Variants in PRKACB observed in about 807,000 individuals in gnomAD.
PRKACB encodes cAMP-dependent protein kinase catalytic subunit beta.
In PRKACB, 16 loss-of-function variants were observed where a neutral mutation model predicts 51.4. That is an observed-to-expected ratio of 0.31 (90% CI 0.21 to 0.47). PRKACB has a LOEUF of 0.47. PRKACB is among the 20% of genes least tolerant of loss of function. The pLI is 1.00. For missense variants in PRKACB, 309 were observed against 464.5 expected (o/e 0.67, Z 3.08); for synonymous variants, 147 against 154.4 (o/e 0.95, Z 0.35).
intron 1 of PRKACB, among the ~76,000 whole-genome samples, chr1:84,156,087 C>T (rs1558038568): frequency 6.6e-6 from 1 of 152,056 alleles, no homozygotes; most frequent in Non-Finnish European, 1.5e-5. Context: ...CTCCTGGGCT[C>T]AAGCTATTTT....
At chr1:84,232,276 G>T (rs1675822637) in intron 9 of PRKACB, among the ~76,000 whole-genome samples, 1 of 151,898 alleles carries the variant, frequency 6.6e-6, no homozygotes, top group Non-Finnish European at 1.5e-5. Flanking sequence ...TTGCACTGTG[G>T]TCTGAGAGAT....
At chr1:84,223,526 G>A (rs1349445381) in intron 9 of PRKACB, among the ~76,000 whole-genome samples, 6 of 151,746 alleles carry the variant, frequency 4.0e-5, no homozygotes, top group Non-Finnish European at 8.8e-5. Context: ...CCGCCACCAT[G>A]CCCCGGCTAA....
chr1:84,085,207 GA>G (rs1647869270), intron 1 of PRKACB, among the ~76,000 whole-genome samples: 2 of 152,168 alleles, frequency 1.3e-5, no homozygotes, highest in Admixed American at 1.3e-4. Flanking sequence ...CAGGATAGTG[GA>G]AAGAACATGT....
chr1:84,134,097 C>CA (rs1217635583), intron 1 of PRKACB, among the ~76,000 whole-genome samples: 3 of 152,114 alleles, frequency 2.0e-5, no homozygotes, highest in Non-Finnish European at 4.4e-5. Flanking sequence ...AGACTCTTCT[C>CA]CAAAGTCCCA....
At chr1:84,136,565 C>T (rs1557999967) in intron 1 of PRKACB, among the ~76,000 whole-genome samples, 3 of 151,752 alleles carry the variant, frequency 2.0e-5, no homozygotes, top group African/African-American at 7.3e-5. Flanking sequence ...GCAACATAAA[C>T]TCTTTTTCGT....
chr1:84,196,090 T>G (rs1351734641), intron 5 of PRKACB, among the ~76,000 whole-genome samples: 1 of 152,176 alleles, frequency 6.6e-6, no homozygotes, highest in Non-Finnish European at 1.5e-5. Flanking sequence ...TTTATGATAT[T>G]TTTCCATAAC....
intron 1 of PRKACB, among the ~76,000 whole-genome samples, chr1:84,092,230 C>T (rs1648534162): frequency 6.6e-6 from 1 of 152,176 alleles, no homozygotes; most frequent in East Asian, 1.9e-4. Context: ...AACTTCCCTC[C>T]TGCCTGTACC....
At chr1:84,126,020 A>C (rs1296059669) in intron 1 of PRKACB, among the ~76,000 whole-genome samples, 1 of 135,870 alleles carries the variant, frequency 7.4e-6, no homozygotes, top group African/African-American at 2.7e-5. Flanking sequence ...GGACTGGGAC[A>C]AGTGCTTCTG....
chr1:84,212,874 A>G (rs924877717), intron 8 of PRKACB, among the ~76,000 whole-genome samples: 1 of 152,164 alleles, frequency 6.6e-6, no homozygotes, highest in Non-Finnish European at 1.5e-5. Context: ...TAAAAATGGC[A>G]CAATACCTTC....
chr1:84,122,093 G>T (rs1651133373), intron 1 of PRKACB, among the ~76,000 whole-genome samples: 1 of 152,020 alleles, frequency 6.6e-6, no homozygotes, highest in Non-Finnish European at 1.5e-5. Flanking sequence ...CAGTTGATTT[G>T]AGGTAAGGGT....
At position 84,119,593 on chromosome 1, in the gene PRKACB, A is replaced by G. The variant is rs563606013; in HGVS notation, c.46+41222A>G. Among the ~76,000 whole-genome samples the G allele has an allele frequency of 8.5e-5, 13 of 152,250 alleles. No individual in the cohort carries two copies. In the South Asian group the frequency reaches 2.7e-3, roughly 32 times the overall value. Reference sequence around the variant, plus strand: ...TCCATCAGCCCGTATATCAATTTCTAGATGATATTCACTCATATCATTTAG... The same window carrying G: ...TCCATCAGCCCGTATATCAATTTCTGGATGATATTCACTCATATCATTTAG... On this transcript the variant is annotated intron_variant, in intron 1 of 8. Transcript: ENST00000370688.
intron 9 of PRKACB, among the ~76,000 whole-genome samples, chr1:84,234,236 G>T (rs1424739651): frequency 1.3e-5 from 2 of 152,178 alleles, no homozygotes; most frequent in Non-Finnish European, 2.9e-5. Context: ...AGGGGTCAGG[G>T]GTCAGGGACC....
At chr1:84,177,288 A>G (rs1481091138) in intron 1 of PRKACB, among the ~76,000 whole-genome samples, 2 of 152,104 alleles carry the variant, frequency 1.3e-5, no homozygotes, top group Admixed American at 6.6e-5. Context: ...TTTTTAATTT[A>G]ATTTATAGCC....
intron 5 of PRKACB, among the ~76,000 whole-genome samples, chr1:84,189,831 T>C (rs1666228399): frequency 6.6e-6 from 1 of 152,012 alleles, no homozygotes; most frequent in African/African-American, 2.4e-5. Context: ...AGATCAATAC[T>C]TCAAGAAAGT....
At chr1:84,118,061 A>G (rs1428013521) in intron 1 of PRKACB, among the ~76,000 whole-genome samples, 1 of 152,174 alleles carries the variant, frequency 6.6e-6, no homozygotes, top group East Asian at 1.9e-4. Flanking sequence ...GTCACCAACC[A>G]TGCTAGTTTC....
chr1:84,118,839 T>G (rs1470690183), intron 1 of PRKACB, among the ~76,000 whole-genome samples: 1 of 152,132 alleles, frequency 6.6e-6, no homozygotes, highest in Non-Finnish European at 1.5e-5. Context: ...CTAGCAGCTC[T>G]TAGAGATGAG....
At position 84,078,247 on chromosome 1, in the gene PRKACB, T is replaced by C; in HGVS notation, c.-79T>C. 3 of 1,489,020 alleles carry C rather than the reference T, an allele frequency of 2.0e-6. 1 individual carries two copies. The highest frequency in any genetic ancestry group is 2.4e-5 in the East Asian group (1 of 41,624). 92.2% of individuals were successfully genotyped at this position (1,489,020 alleles called of 1,614,324 possible). A position where few individuals can be genotyped will look rare whatever the true frequency, so the allele number is the denominator to read the frequency against. ...GCTCTGACGGGTGCAGACGCGGGAG[T>C]TGTCCCAGACTGTGGAGTGGCGGGC... is the stretch of plus-strand genomic sequence containing the variant. On this transcript the variant is annotated 5_prime_UTR_variant, in exon 1 of 9. Transcript: ENST00000370688.
chr1:84,228,373 T>C (rs985637046), intron 9 of PRKACB, among the ~76,000 whole-genome samples: 2 of 152,338 alleles, frequency 1.3e-5, no homozygotes, highest in South Asian at 4.1e-4. Context: ...TTATCAGTCA[T>C]GTGAATTTGG....
intron 1 of PRKACB, among the ~76,000 whole-genome samples, chr1:84,080,980 G>T (rs1647487051): frequency 6.6e-6 from 1 of 152,098 alleles, no homozygotes; most frequent in African/African-American, 2.4e-5. Context: ...TAATGGGAAA[G>T]AAAATATGTA....
Sources: gnomAD v4.1 joint callset for allele counts (sites outside exome capture counted in the v4.1 genomes callset) on GRCh38, gnomAD v4.1.1 for gene constraint, MANE v1.5 for transcripts, NCBI Gene and HGNC (gene_info 2026-07-23, HGNC 2026-07-21) for gene names.